Variants in LRP1B observed in about 807,000 individuals in gnomAD.
LRP1B encodes LDL receptor related protein 1B, also known as low-density lipoprotein receptor-related protein 1B.
A neutral mutation model predicts 556.6 loss-of-function variants in LRP1B; 217 were observed. That is an observed-to-expected ratio of 0.39 (90% confidence interval 0.35 to 0.44). LRP1B has a LOEUF of 0.44. Ranked by LOEUF, LRP1B falls within the 20% of genes least tolerant of loss-of-function variation. The pLI, the probability that LRP1B is intolerant of heterozygous loss-of-function variation, is 1.00. For missense variants in LRP1B, 5,053 were observed against 5,620.8 expected (o/e 0.90, Z 3.23); for synonymous variants, 2,047 against 1,865.8 (o/e 1.10, Z -2.50).
intron 11 of LRP1B, among the ~76,000 whole-genome samples, chr2:141,031,561 A>AG (rs1227265549): frequency 6.6e-6 from 1 of 151,984 alleles, no homozygotes; most frequent in Non-Finnish European, 1.5e-5. Context: ...TTGCCAAAAT[A>AG]ATTAAATATG....
chr2:141,789,064 G>A (rs1016432157), intron 2 of LRP1B, among the ~76,000 whole-genome samples: 14 of 151,952 alleles, frequency 9.2e-5, no homozygotes, highest in Admixed American at 7.2e-4. Flanking sequence ...TGGGATGCCT[G>A]GGTCAAATGG....
At chr2:142,059,904 T>A (rs1441517322) in intron 1 of LRP1B, among the ~76,000 whole-genome samples, 1 of 152,088 alleles carries the variant, frequency 6.6e-6, no homozygotes, top group East Asian at 1.9e-4. Context: ...GTTAAGTACA[T>A]AGTTGAATAA....
chr2:141,475,786 G>A lies in LRP1B; in HGVS notation c.343+4610C>T, dbSNP rs147542413. 5.2e-3 allele frequency among the ~76,000 whole-genome samples: 785 copies of A among 152,088 alleles called. 11 individuals carry two copies. Among genetic ancestry groups the A allele is most frequent in the African/African-American group, 0.017 (701 of 41,464 alleles). On this transcript the variant is annotated intron_variant, in intron 3 of 90. Coordinates refer to ENST00000389484, the MANE Select transcript of LRP1B (RefSeq NM_018557.3). ...GGGATGGTCAGAGAGGAGATCAGCC[G>A]CAGGACAGCCGAACTCCAAGGGAAG...
intron 2 of LRP1B, among the ~76,000 whole-genome samples, chr2:141,534,590 A>G (rs1685003023): frequency 6.6e-6 from 1 of 152,082 alleles, no homozygotes; most frequent in Non-Finnish European, 1.5e-5. Context: ...AGCTCAACAC[A>G]CACAGAACAG....
At chr2:140,751,808 C>T (rs1688589936) in intron 35 of LRP1B, among the ~76,000 whole-genome samples, 2 of 152,086 alleles carry the variant, frequency 1.3e-5, no homozygotes. Flanking sequence ...TGATTCTTAT[C>T]CCTAGGATTC....
At chr2:141,019,891 T>G in intron 12 of LRP1B, 31 bp downstream of exon 12, 2 of 1,437,238 alleles carry the variant, frequency 1.4e-6, no homozygotes, top group Non-Finnish European at 1.9e-6. Flanking sequence ...TTATCATTTT[T>G]CTTATATAAA....
At chr2:140,659,341 G>A (rs1213394007) in intron 41 of LRP1B, among the ~76,000 whole-genome samples, 1 of 151,748 alleles carries the variant, frequency 6.6e-6, no homozygotes, top group African/African-American at 2.4e-5. Context: ...GTGTACATAA[G>A]CGTTGTAACT....
At chr2:140,294,586 T>C (rs919522523) in intron 84 of LRP1B, among the ~76,000 whole-genome samples, 2 of 152,154 alleles carry the variant, frequency 1.3e-5, no homozygotes, top group African/African-American at 4.8e-5. Context: ...AGTCACAATG[T>C]CAGGGAAGCT....
chr2:141,233,347 C>G (rs1158652266), intron 5 of LRP1B, among the ~76,000 whole-genome samples: 2 of 152,172 alleles, frequency 1.3e-5, no homozygotes, highest in African/African-American at 4.8e-5. Context: ...TGTCCTCATA[C>G]TCCTCACCAC....
intron 41 of LRP1B, among the ~76,000 whole-genome samples, chr2:140,619,065 A>T (rs965586509): frequency 3.2e-5 from 4 of 126,368 alleles, no homozygotes; most frequent in Non-Finnish European, 6.6e-5. Flanking sequence ...GATGGTATGT[A>T]TATCTATCTA....
chr2:141,258,346 C>T (rs887981941), intron 3 of LRP1B, among the ~76,000 whole-genome samples: 6 of 151,868 alleles, frequency 4.0e-5, no homozygotes, highest in Non-Finnish European at 5.9e-5. Context: ...GTTAGCTGGG[C>T]GTGGTGGTGT....
chr2:140,700,906 T>C (rs1231243420), intron 40 of LRP1B, among the ~76,000 whole-genome samples: 2 of 152,168 alleles, frequency 1.3e-5, no homozygotes, highest in Non-Finnish European at 2.9e-5. Context: ...TATAAATCTT[T>C]TTTGAAACTT....
intron 18 of LRP1B, among the ~76,000 whole-genome samples, chr2:140,959,904 A>G (rs542661031): frequency 6.6e-6 from 1 of 151,848 alleles, no homozygotes; most frequent in South Asian, 2.1e-4. Flanking sequence ...GCAATTATTC[A>G]CTATAGCAGT....
chr2:141,406,801 G>A (rs907692888), intron 3 of LRP1B, among the ~76,000 whole-genome samples: 1 of 151,832 alleles, frequency 6.6e-6, no homozygotes, highest in African/African-American at 2.4e-5. Context: ...AAGTAACCCT[G>A]GTAAATAAGT....
chr2:141,243,318 ACAAAAAATTTTTAAATT>A (rs1683950702), intron 5 of LRP1B, among the ~76,000 whole-genome samples: 1 of 151,968 alleles, frequency 6.6e-6, no homozygotes, highest in Non-Finnish European at 1.5e-5. Context: ...TCCTGTGTGT[ACAAAAAATTTTTAAATT>A]AGCTGGGCAT....
chr2:141,787,134 T>A (rs1695454026), intron 2 of LRP1B, among the ~76,000 whole-genome samples: 1 of 151,938 alleles, frequency 6.6e-6, no homozygotes, highest in African/African-American at 2.4e-5. Flanking sequence ...CTCTCACACA[T>A]TGCTAGTAGG....
intron 4 of LRP1B, among the ~76,000 whole-genome samples, chr2:141,248,168 T>C (rs1684136488): frequency 6.6e-6 from 1 of 152,148 alleles, no homozygotes; most frequent in African/African-American, 2.4e-5. Flanking sequence ...CAAATCTTTA[T>C]GAACAACAGA....
In LRP1B at chr2:141,120,410, T is replaced by A. The variant is rs1041384625; in HGVS notation, c.1014-58137A>T. ...TTTTATGCCTGGGTTTACTCCTCTC[T>A]AAAATGGGTATCATTATGTTGAAGA... On this transcript the variant is annotated intron_variant, in intron 7 of 90. Transcript: ENST00000389484. Among the ~76,000 whole-genome samples, 34 of 152,028 alleles carry A rather than the reference T, an allele frequency of 2.2e-4. 1 individual carries two copies. The highest frequency in any genetic ancestry group is 2.1e-3 in the South Asian group (10 of 4,826).
intron 37 of LRP1B, among the ~76,000 whole-genome samples, chr2:140,713,477 T>C (rs1437100685): frequency 2.0e-5 from 3 of 152,078 alleles, no homozygotes; most frequent in Non-Finnish European, 4.4e-5. Context: ...TCTTAAAGAT[T>C]CTTTATGTTA....
Sources: allele counts gnomAD v4.1 joint callset (sites outside exome capture counted in the v4.1 genomes callset), GRCh38; gene constraint gnomAD v4.1.1; transcripts MANE v1.5; gene names NCBI Gene and HGNC (gene_info 2026-07-23, HGNC 2026-07-21).